The following KLHL35 variants were observed in gnomAD, a reference collection of about 807,000 sequenced individuals.
KLHL35 encodes kelch-like protein 35.
Under a neutral mutation model 44.0 loss-of-function variants are expected in KLHL35, and 50 were observed. The ratio of observed to expected loss-of-function variants is 1.14; its 90% CI spans 0.91 to 1.44. The LOEUF (loss-of-function observed/expected upper bound fraction) is 1.44, where lower values mean the gene tolerates loss of function less well. Among genes scored for constraint, KLHL35 ranks in the 40% most tolerant of loss-of-function variants. KLHL35 has a pLI of 0.00. For synonymous variants in KLHL35, 470 were observed against 410.4 expected, an observed-to-expected ratio of 1.15 and a Z score of -1.76; for missense variants, 1,049 against 887.8, an observed-to-expected ratio of 1.18 and a Z score of -2.31.
intron 4 of KLHL35, 21 bp from the exon 5 acceptor site, chr11:75,425,602 C>T (rs374184246): frequency 2.3e-5 from 33 of 1,449,914 alleles, no homozygotes; most frequent in Non-Finnish European, 2.1e-5. Flanking sequence ...GGACATGGGC[C>T]GGGGAGCCGG....
intron 1 of KLHL35, among the ~76,000 whole-genome samples, chr11:75,431,384 G>T (rs1452382241): frequency 1.3e-5 from 2 of 152,214 alleles, no homozygotes; most frequent in Non-Finnish European, 2.9e-5. Context: ...GTTACGGTGT[G>T]CCCGGAGCTC....
rs11236431 is a variant in KLHL35 at position 75,431,470 on chromosome 11, A to G, written c.-1-840T>C. Among the ~76,000 whole-genome samples the G allele has an allele frequency of 1.2e-3, 176 of 152,136 alleles. 1 individual carries two copies. Among genetic ancestry groups the G allele is most frequent in the African/African-American group, 4.0e-3 (167 of 41,486 alleles). On this transcript the variant is annotated intron_variant, in intron 1 of 6. Coordinates refer to ENST00000539798, the MANE Select transcript of KLHL35 (RefSeq NM_001039548.3). ...TAGAAGGGCCGCTGGACCCAGGTGG[A>G]GGGGAGTCAGGGAGGGCGTCCCTGA...
At position 75,429,788 on chromosome 11, in the gene KLHL35, A is replaced by G; in HGVS notation, c.842T>C (p.Leu281Pro). Residue 281 changes from leucine to proline, a missense_variant, in exon 2 of 7, where the codon CTG (leucine) becomes CCG (proline). Physicochemically the swap from Leu to Pro is moderately conservative, Grantham distance 98 (BLOSUM62 -3). Transcript: ENST00000539798. The stretch of plus-strand genomic sequence containing the variant: ...CCGCAGCGCACCGGCCTCGCGGCCC[A>G]GGATGAAGCAGGCGCGAGCCTCGAG... Reference protein sequence around the residue: ...LLLEARACFILGREAGALRTR... With the variant: ...LLLEARACFIPGREAGALRTR... The G allele has an allele frequency of 1.3e-6, 2 of 1,510,746 alleles. No individual in the cohort carries two copies. Among genetic ancestry groups the G allele is most frequent in the South Asian group, 2.4e-5 (2 of 81,920 alleles). The allele number at this position is 1,510,746 out of a possible 1,614,324, so 93.6% of individuals were successfully genotyped here.
In KLHL35 at chr11:75,429,924, G is replaced by T. The variant is rs1271353250; in HGVS notation, c.706C>A (p.Arg236=). ...AGGCGCACGTGCTCCAGCAGGCGTC[G>T]CAGCTGGCCGCGGCGGGCCGGCGCG... The part of the protein sequence containing the change: ...HDAPARRGQL[R]RLLEHVRLPL... The change falls in exon 2 of 7, where the codon CGA becomes AGA. Residue 236 remains arginine (R), a synonymous_variant. Coordinates refer to ENST00000539798, the MANE Select transcript of KLHL35 (RefSeq NM_001039548.3). 1 of 1,473,470 alleles carries T rather than the reference G, an allele frequency of 6.8e-7. No homozygotes were observed. The highest frequency in any genetic ancestry group is 8.9e-7 in the Non-Finnish European group (1 of 1,122,142). The allele number at this position is 1,473,470 out of a possible 1,614,324, so 91.3% of individuals were successfully genotyped here. A position where few individuals can be genotyped will look rare whatever the true frequency, so the allele number is the denominator to read the frequency against.
At position 75,423,821 on chromosome 11, in the gene KLHL35, T is replaced by C. The variant is rs1437905711; in HGVS notation, c.1434A>G (p.Ser478=). 13 of 1,613,168 alleles carry C rather than the reference T, an allele frequency of 8.1e-6. No individual in the cohort carries two copies. The highest frequency in any genetic ancestry group is 1.1e-5 in the Non-Finnish European group (13 of 1,179,260). The part of the protein sequence containing the change: ...RWSLRSPAPF[S]QRCLEAVSLE... ...GGGAGACAGCCTCGAGACACCGCTG[T>C]GAGAAGGGTGCTGGTGACCGCAGGC... is the stretch of plus-strand genomic sequence containing the variant. Residue 478 remains serine (S), a synonymous_variant, in exon 6 of 7, where the codon TCA becomes TCG. Transcript: ENST00000539798.
At position 75,430,609 on chromosome 11, in the gene KLHL35, C is replaced by A; in HGVS notation, c.21G>T (p.Pro7=). 1 of 1,404,036 alleles carries A rather than the reference C, an allele frequency of 7.1e-7. No homozygotes were observed. Among genetic ancestry groups the A allele is most frequent in the Non-Finnish European group, 9.2e-7 (1 of 1,084,028 alleles). 87.0% of individuals were successfully genotyped at this position (1,404,036 alleles called of 1,614,324 possible). MRQGHA[P]EESEPGCEAP... is the part of the protein sequence containing the mutation. ...CTTCGCAGCCCGGCTCCGACTCCTC[C>A]GGCGCATGGCCTTGCCGCATCCTGC... The change falls in exon 2 of 7, where the codon CCG becomes CCT. Residue 7 remains proline, a synonymous_variant. Transcript: ENST00000539798.
chr11:75,425,399 C>G lies in KLHL35; in HGVS notation c.1368G>C (p.Thr456=), dbSNP rs1413016642. 2.6e-6 allele frequency: 4 copies of G among 1,551,602 alleles called. No homozygotes were observed. The highest frequency in any genetic ancestry group is 3.5e-6 in the Non-Finnish European group (4 of 1,155,942). The change falls in exon 5 of 7, where the codon ACG becomes ACC. Residue 456 remains threonine, a synonymous_variant. Transcript: ENST00000539798. ...IGGARQGGVN[T]DKVQCFDPKE... is the part of the protein sequence containing the mutation. ...GCCTGAGGCCCACGCCCACCTTGTC[C>G]GTGTTGACGCCGCCCTGCCTGGCGC...
chr11:75,423,984 C>T (rs951684417), intron 5 of KLHL35, 104 bp from the exon 6 acceptor site: 8 of 897,562 alleles, frequency 8.9e-6, no homozygotes, highest in African/African-American at 3.4e-5. Context: ...TCATTCAAAA[C>T]GACATTTGCC....
Position 75,430,555 on chromosome 11 carries a change from C to T in KLHL35, c.75G>A (p.Gln25=), listed in dbSNP as rs1416817262. 1.2e-5 allele frequency: 18 copies of T among 1,458,100 alleles called. No individual in the cohort carries two copies. The highest frequency in any genetic ancestry group is 1.6e-5 in the Non-Finnish European group (18 of 1,110,356). 90.3% of individuals were successfully genotyped at this position (1,458,100 alleles called of 1,614,324 possible). A position where few individuals can be genotyped will look rare whatever the true frequency, so the allele number is the denominator to read the frequency against. Residue 25 remains glutamine (Q), a synonymous_variant, in exon 2 of 7, where the codon CAG becomes CAA. Coordinates refer to ENST00000539798, the MANE Select transcript of KLHL35 (RefSeq NM_001039548.3). ...EAPCAGPCHA[Q]RVLQALNAYR... is the part of the protein sequence containing the mutation. ...AGGCGTTCAGGGCCTGCAGCACGCGCTGCGCGTGGCACGGACCCGCGCACG... is the reference window on the plus strand; with the variant it reads ...AGGCGTTCAGGGCCTGCAGCACGCGTTGCGCGTGGCACGGACCCGCGCACG...
Position 75,430,375 on chromosome 11 carries a change from C to T in KLHL35, c.255G>A (p.Val85=). The T allele has an allele frequency of 1.5e-6, 2 of 1,353,668 alleles. No homozygotes were observed. The highest frequency in any genetic ancestry group is 1.6e-5 in the South Asian group (1 of 62,380). 83.9% of individuals were successfully genotyped at this position (1,353,668 alleles called of 1,614,324 possible). ...PERGPAVVPV[V]PVAPEAPGTS... is the part of the protein sequence containing the mutation. The stretch of plus-strand genomic sequence containing the variant: ...TGCCTGGCGCCTCGGGAGCTACTGG[C>T]ACCACTGGCACCACGGCCGGGCCGC... Residue 85 remains valine, a synonymous_variant, in exon 2 of 7, where the codon GTG becomes GTA. Transcript: ENST00000539798.
intron 5 of KLHL35, 86 bp from the exon 6 acceptor site, chr11:75,423,966 G>A (rs980982396): frequency 2.0e-5 from 22 of 1,077,880 alleles, no homozygotes; most frequent in Admixed American, 1.5e-4. Context: ...CTCTCCCCCC[G>A]GGGGCACTCA....
chr11:75,429,225 G>A (rs150026557), intron 2 of KLHL35, among the ~76,000 whole-genome samples: 2 of 152,246 alleles, frequency 1.3e-5, no homozygotes, highest in Non-Finnish European at 2.9e-5. Context: ...TACCCTTTTA[G>A]CCATTGGTTT....
Position 75,426,512 on chromosome 11 carries a change from G to T in KLHL35, c.1185+8C>A, listed in dbSNP as rs756309173. On this transcript the variant is annotated splice_region_variant and intron_variant, in intron 4 of 6. Transcript: ENST00000539798. ...TGTCCCAGGGCAGCCGCTGCAGCTC[G>T]TGCCTACCTGCCCCTGCACAACTGC... The T allele has an allele frequency of 6.4e-7, 1 of 1,568,256 alleles. No individual in the cohort carries two copies. The highest frequency in any genetic ancestry group is 1.8e-5 in the Admixed American group (1 of 55,684).
chr11:75,426,514 G>A lies in KLHL35; in HGVS notation c.1185+6C>T. The stretch of plus-strand genomic sequence containing the variant: ...TCCCAGGGCAGCCGCTGCAGCTCGT[G>A]CCTACCTGCCCCTGCACAACTGCCA... On this transcript the variant is annotated splice_donor_region_variant and intron_variant, in intron 4 of 6. Transcript: ENST00000539798. 1.3e-6 allele frequency: 2 copies of A among 1,570,380 alleles called. No homozygotes were observed. The highest frequency in any genetic ancestry group is 8.7e-7 in the Non-Finnish European group (1 of 1,154,632).
chr11:75,425,031 G>A (rs955901375), intron 5 of KLHL35: 2 of 200,524 alleles, frequency 1.0e-5, no homozygotes, highest in Non-Finnish European at 1.9e-5. Flanking sequence ...CCTAGACGGT[G>A]GGATTATGGG....
At position 75,423,868 on chromosome 11, in the gene KLHL35, C is replaced by G; in HGVS notation, c.1387G>C (p.Asp463His). The change falls in exon 6 of 7, where the codon GAC (aspartate) becomes CAC (histidine). Residue 463 changes from aspartate (D) to histidine (H), a missense_variant. By Grantham distance (81) the Asp-to-His change is moderately conservative. Coordinates refer to ENST00000539798, the MANE Select transcript of KLHL35 (RefSeq NM_001039548.3). ...AGGCTCCACCGGTCCTCCTTGGGGT[C>G]AAAGCACTGCACCTGAGGGGCAAGA... Reference protein sequence around the residue: ...GVNTDKVQCFDPKEDRWSLRS... With the variant: ...GVNTDKVQCFHPKEDRWSLRS... 1 of 1,612,854 alleles carries G rather than the reference C, an allele frequency of 6.2e-7. No homozygotes were observed. The highest frequency in any genetic ancestry group is 8.5e-7 in the Non-Finnish European group (1 of 1,179,300).
rs985534334 is a variant in KLHL35 at position 75,423,109 on chromosome 11, A to T, written c.1564-341T>A. 1.1e-5 allele frequency: 3 copies of T among 273,060 alleles called. No homozygotes were observed. In the Admixed American group the frequency reaches 1.4e-4, roughly 13 times the overall value. 16.9% of individuals were successfully genotyped at this position (273,060 alleles called of 1,614,324 possible). ...AGCCTGGAATGTGGTAAGCACACCA[A>T]TAACAATAATCTCGACTGCCGCCAT... is the stretch of plus-strand genomic sequence containing the variant. On this transcript the variant is annotated intron_variant, in intron 6 of 6. Transcript: ENST00000539798.
At chr11:75,431,409 G>T (rs1223192565) in intron 1 of KLHL35, among the ~76,000 whole-genome samples, 2 of 152,212 alleles carry the variant, frequency 1.3e-5, no homozygotes, top group Non-Finnish European at 2.9e-5. Flanking sequence ...CCTGGCGGGG[G>T]TGCCATGGGG....
rs1220948502 is a variant in KLHL35, at chr11:75,428,610, C to T, written c.898G>A (p.Glu300Lys). Reference sequence around the variant, plus strand: ...CAACCGCCGATGACCACGATCACTTCAGCTAGGTCCATGAATCTGGCGTGC... The same window carrying T: ...CAACCGCCGATGACCACGATCACTTTAGCTAGGTCCATGAATCTGGCGTGC... ...TRPRRFMDLA[E>K]VIVVIGGCDR... Residue 300 changes from glutamate to lysine, a missense_variant, in exon 3 of 7, where the codon GAA becomes AAA. Glu to Lys is a moderately conservative substitution (Grantham distance 56). Coordinates refer to ENST00000539798, the MANE Select transcript of KLHL35 (RefSeq NM_001039548.3). 6.3e-7 allele frequency: 1 copy of T among 1,594,078 alleles called. No homozygotes were observed. The highest frequency in any genetic ancestry group is 8.5e-7 in the Non-Finnish European group (1 of 1,170,586).
Sources: gnomAD v4.1 joint callset for allele counts (sites outside exome capture counted in the v4.1 genomes callset) on GRCh38, gnomAD v4.1.1 for gene constraint, MANE v1.5 for transcripts, NCBI Gene and HGNC (gene_info 2026-07-23, HGNC 2026-07-21) for gene names.